AKAP11: variants seen among roughly 807,000 people sequenced by gnomAD.
AKAP11 encodes A-kinase anchoring protein 11.
In AKAP11, 36 loss-of-function variants were observed where a neutral mutation model predicts 146.1. That is an observed-to-expected ratio of 0.25 (90% CI 0.19 to 0.33). AKAP11 has a LOEUF of 0.33. Ranked by LOEUF, AKAP11 falls within the 10% of genes least tolerant of loss-of-function variation. The pLI is 1.00. For missense variants in AKAP11, 2,201 were observed against 2,197.0 expected (o/e 1.00, Z -0.04); for synonymous variants, 780 against 786.5 (o/e 0.99, Z 0.14).
chr13:42,276,137 G>A (rs1056055747), intron 1 of AKAP11, among the ~76,000 whole-genome samples: 2 of 152,126 alleles, frequency 1.3e-5, no homozygotes, highest in East Asian at 3.8e-4. Context: ...CAGTCGCTGA[G>A]ACCAGCTTTC....
chr13:42,292,297 A>T, intron 3 of AKAP11, 88 bp from the exon 4 acceptor site: 1 of 670,202 alleles, frequency 1.5e-6, no homozygotes, highest in Non-Finnish European at 2.5e-6. Context: ...TTAGAGAATG[A>T]GTGACTATCT....
At chr13:42,289,917 A>G (rs1959192976) in intron 3 of AKAP11, among the ~76,000 whole-genome samples, 1 of 152,192 alleles carries the variant, frequency 6.6e-6, no homozygotes, top group Admixed American at 6.5e-5. Context: ...AGCACCTCAT[A>G]TAGTCTTCAC....
intron 1 of AKAP11, among the ~76,000 whole-genome samples, chr13:42,272,834 C>T (rs981032298): frequency 1.3e-5 from 2 of 152,148 alleles, no homozygotes; most frequent in African/African-American, 2.4e-5. Flanking sequence ...ATAAAGTACC[C>T]CGAATGGATT....
intron 4 of AKAP11, among the ~76,000 whole-genome samples, chr13:42,295,189 G>A (rs1215720820): frequency 6.6e-6 from 1 of 152,220 alleles, no homozygotes; most frequent in Non-Finnish European, 1.5e-5. Flanking sequence ...ATCCAAGGAA[G>A]AGAGATCCAG....
At position 42,319,939 on chromosome 13, in the gene AKAP11, G is replaced by C. The variant is rs940889737; in HGVS notation, c.*711G>C. 4.7e-4 allele frequency: 71 copies of C among 151,298 alleles called. No individual in the cohort carries two copies. The highest frequency in any genetic ancestry group is 1.5e-3 in the African/African-American group (63 of 40,666). 9.4% of individuals were successfully genotyped at this position (151,298 alleles called of 1,614,324 possible). A position where few individuals can be genotyped will look rare whatever the true frequency, so the allele number is the denominator to read the frequency against. On this transcript the variant is annotated 3_prime_UTR_variant, in exon 13 of 13. Transcript: ENST00000025301. ...TGTGTGTGTGTGTGTGTGTGTGTGT[G>C]TGTGTGTGTGTAAGGGAGTACTTTA...
rs1208625280 is a variant in AKAP11, at chr13:42,319,880, A to G, written c.*652A>G. On this transcript the variant is annotated 3_prime_UTR_variant, in exon 13 of 13. Transcript: ENST00000025301. ...ATCCTTTCATTGACATTATTTGCCA[A>G]TGCTGCCAGTCATTCTGGCATGAAA... is the stretch of plus-strand genomic sequence containing the variant. The G allele has an allele frequency of 6.7e-6, 1 of 148,742 alleles. No homozygotes were observed. Among genetic ancestry groups the G allele is most frequent in the African/African-American group, 2.5e-5 (1 of 40,266 alleles). 9.2% of individuals were successfully genotyped at this position (148,742 alleles called of 1,614,324 possible).
Position 42,292,447 on chromosome 13 carries a change from C to T in AKAP11, c.114C>T (p.Cys38=). 1.3e-6 allele frequency: 2 copies of T among 1,595,232 alleles called. No homozygotes were observed. The highest frequency in any genetic ancestry group is 1.7e-6 in the Non-Finnish European group (2 of 1,166,952). The part of the protein sequence containing the change: ...KSLLQSQKEL[C]SVTAEDCLQQ... Reference sequence around the variant, plus strand: ...TATTGCAGAGTCAGAAGGAACTATGCAGTGTAACAGCAGAGGACTGTTTAC... The same window carrying T: ...TATTGCAGAGTCAGAAGGAACTATGTAGTGTAACAGCAGAGGACTGTTTAC... Residue 38 remains cysteine, a synonymous_variant, in exon 4 of 13, where the codon TGC becomes TGT. Transcript: ENST00000025301.
At chr13:42,289,130 T>G (rs1439360072) in intron 3 of AKAP11, among the ~76,000 whole-genome samples, 1 of 152,194 alleles carries the variant, frequency 6.6e-6, no homozygotes, top group Non-Finnish European at 1.5e-5. Context: ...AGCTAATGTT[T>G]TTGGCATCCC....
Position 42,300,912 on chromosome 13 carries a change from G to A in AKAP11, c.2166G>A (p.Thr722=), listed in dbSNP as rs369989020. Residue 722 remains threonine (T), a synonymous_variant, in exon 8 of 13, where the codon ACG becomes ACA. Coordinates refer to ENST00000025301, the MANE Select transcript of AKAP11 (RefSeq NM_016248.4). ...CAAAGGCAGCAGTTAGTGTCTCTAC[G>A]GATAATATCAAGTATGTGAGTGCAG... The part of the protein sequence containing the change: ...FTTKAAVSVS[T]DNIKYVSAES... 38 of 1,613,956 alleles carry A rather than the reference G, an allele frequency of 2.4e-5. 1 individual carries two copies. The highest frequency in any genetic ancestry group is 1.5e-4 in the African/African-American group (11 of 74,896).
In AKAP11 at chr13:42,313,117, C is replaced by G. The variant is rs61755977; in HGVS notation, c.5344C>G (p.Pro1782Ala). 864 of 1,612,502 alleles carry G rather than the reference C, an allele frequency of 5.4e-4. 3 individuals are homozygous for G. In the African/African-American group the frequency reaches 0.01, roughly 19 times the overall value. The change falls in exon 10 of 13, where the codon CCA becomes GCA. Residue 1782 changes from proline to alanine, a missense_variant. This residue lies in a region of AKAP11 where 1,867 missense variants were observed against 1,833.5 expected (regional missense o/e 1.02). Transcript: ENST00000025301. ...TTTGTATGAGGACAATTTATCCTTT[C>G]CAACATCAGACAGGTTGGTCCAGTC... Reference protein sequence around the residue: ...GDLYEDNLSFPTSDSDGPDDK... With the variant: ...GDLYEDNLSFATSDSDGPDDK...
At chr13:42,276,307 G>A (rs887756333) in intron 1 of AKAP11, among the ~76,000 whole-genome samples, 12 of 152,062 alleles carry the variant, frequency 7.9e-5, no homozygotes, top group Admixed American at 7.2e-4. Context: ...GTGCAGTGGC[G>A]CAATCTTGGC....
At position 42,319,389 on chromosome 13, in the gene AKAP11, A is replaced by T. The variant is rs1211336503; in HGVS notation, c.*161A>T. ...AGCGCTTTGTGTTATCACTCGGTGT[A>T]TATAGTTCATACTTTTGTAATCTGT... On this transcript the variant is annotated 3_prime_UTR_variant, in exon 13 of 13. Transcript: ENST00000025301. 3 of 859,436 alleles carry T rather than the reference A, an allele frequency of 3.5e-6. No homozygotes were observed. Among genetic ancestry groups the T allele is most frequent in the Non-Finnish European group, 5.2e-6 (3 of 578,070 alleles). 53.2% of individuals were successfully genotyped at this position (859,436 alleles called of 1,614,324 possible). A position where few individuals can be genotyped will look rare whatever the true frequency, so the allele number is the denominator to read the frequency against.
rs772817778 is a variant in AKAP11 at position 42,319,198 on chromosome 13, G to A, written c.5676G>A (p.Ser1892=). Residue 1892 remains serine, a synonymous_variant, in exon 13 of 13, where the codon TCG becomes TCA. Transcript: ENST00000025301. ...CTTCCAGTGAGGAGAGATGCAAGTC[G>A]CTGTTTGATTGGCTCTTGGAAAATG... ...EKASSEERCK[S]LFDWLLENA is the part of the protein sequence containing the mutation. The A allele has an allele frequency of 5.0e-6, 8 of 1,613,802 alleles. No homozygotes were observed. The African/African-American group carries it at 6.7e-5, about 13-fold the overall frequency.
At chr13:42,294,596 G>A (rs964028195) in intron 4 of AKAP11, among the ~76,000 whole-genome samples, 2 of 151,964 alleles carry the variant, frequency 1.3e-5, no homozygotes, top group Admixed American at 6.6e-5. Flanking sequence ...TAGAGACGAG[G>A]TTTCACCATG....
intron 4 of AKAP11, among the ~76,000 whole-genome samples, chr13:42,294,229 T>TA (rs1316243739): frequency 6.6e-6 from 1 of 152,196 alleles, no homozygotes; most frequent in African/African-American, 2.4e-5. Flanking sequence ...CGATTATTAA[T>TA]ATTGCCGTCA....
At chr13:42,304,974 C>T (rs1274837370) in intron 8 of AKAP11, among the ~76,000 whole-genome samples, 1 of 152,196 alleles carries the variant, frequency 6.6e-6, no homozygotes, top group Non-Finnish European at 1.5e-5. Flanking sequence ...TGGTCTTGAA[C>T]TCCTGACCTT....
intron 9 of AKAP11, among the ~76,000 whole-genome samples, chr13:42,311,667 G>A (rs1036153523): frequency 6.6e-6 from 1 of 152,046 alleles, no homozygotes; most frequent in African/African-American, 2.4e-5. Flanking sequence ...GTGATGGGTA[G>A]AAAAATTTTA....
At chr13:42,276,979 A>G (rs1184109312) in intron 1 of AKAP11, among the ~76,000 whole-genome samples, 1 of 152,256 alleles carries the variant, frequency 6.6e-6, no homozygotes, top group Non-Finnish European at 1.5e-5. Context: ...AGGGCTACGT[A>G]CAAGATTAAG....
At chr13:42,316,426 C>T (rs562825790) in intron 11 of AKAP11, among the ~76,000 whole-genome samples, 7 of 152,218 alleles carry the variant, frequency 4.6e-5, no homozygotes, top group East Asian at 3.9e-4. Flanking sequence ...GAATGTTAAA[C>T]GCATGATATT....
Sources: gnomAD v4.1 joint callset for allele counts (sites outside exome capture counted in the v4.1 genomes callset) on GRCh38, gnomAD v4.1.1 for gene constraint, gnomAD v4.1.1 regional missense constraint, MANE v1.5 for transcripts, NCBI Gene and HGNC (gene_info 2026-07-23, HGNC 2026-07-21) for gene names.